Variants in BNC2 observed in about 807,000 individuals in gnomAD.
BNC2 encodes the protein zinc finger protein basonuclin-2.
A neutral mutation model predicts 76.3 loss-of-function variants in BNC2; 20 were observed. That is an observed-to-expected ratio of 0.26 (90% CI 0.18 to 0.38). BNC2 has a LOEUF of 0.38. BNC2 is among the 10% of genes least tolerant of loss of function. BNC2 has a pLI of 1.00. For missense variants in BNC2, 1,382 were observed against 1,399.8 expected (o/e 0.99, Z 0.20); for synonymous variants, 582 against 514.8 (o/e 1.13, Z -1.77).
chr9:16,688,309 A>AC (rs1823037765), intron 3 of BNC2, among the ~76,000 whole-genome samples: 1 of 152,228 alleles, frequency 6.6e-6, no homozygotes, highest in African/African-American at 2.4e-5. Context: ...GTAATTTAGC[A>AC]CATCTCATTC....
At chr9:16,566,250 G>A (rs562931059) in intron 4 of BNC2, among the ~76,000 whole-genome samples, 6 of 152,150 alleles carry the variant, frequency 3.9e-5, no homozygotes, top group Non-Finnish European at 7.3e-5. Context: ...ACTAAAGAGT[G>A]TTGAGTAATC....
rs183136210 is a variant in BNC2 at position 16,469,027 on chromosome 9, A to G, written c.670-31503T>C. Among the ~76,000 whole-genome samples the G allele has an allele frequency of 4.5e-3, 691 of 152,282 alleles. 2 individuals carry two copies. The highest frequency in any genetic ancestry group is 0.017 in the Middle Eastern group (5 of 294). On this transcript the variant is annotated intron_variant, in intron 5 of 6. Coordinates refer to ENST00000380672, the MANE Select transcript of BNC2 (RefSeq NM_017637.6). ...GTTAAAATCTTGGATTTTAAAAATT[A>G]ATTATGAGCTTTTCAGCTTATGTGC...
chr9:16,750,349 T>C (rs1432662226), intron 1 of BNC2, among the ~76,000 whole-genome samples: 2 of 152,236 alleles, frequency 1.3e-5, no homozygotes, highest in Non-Finnish European at 2.9e-5. Context: ...AATTATGCTC[T>C]ATCTTCAATT....
At chr9:16,749,864 C>T (rs1193546640) in intron 1 of BNC2, among the ~76,000 whole-genome samples, 1 of 152,076 alleles carries the variant, frequency 6.6e-6, no homozygotes, top group Admixed American at 6.6e-5. Context: ...AGTTAAGTAA[C>T]AGAAGTTATG....
At chr9:16,856,985 CA>C (rs1210440549) in intron 1 of BNC2, among the ~76,000 whole-genome samples, 3 of 151,950 alleles carry the variant, frequency 2.0e-5, no homozygotes, top group Non-Finnish European at 4.4e-5. Context: ...CATAAGATGC[CA>C]AATAATAGCA....
intron 3 of BNC2, among the ~76,000 whole-genome samples, chr9:16,714,338 C>A (rs1354348685): frequency 6.6e-6 from 1 of 152,210 alleles, no homozygotes; most frequent in Non-Finnish European, 1.5e-5. Flanking sequence ...TTATTCGCTA[C>A]CTCTTTTACT....
intron 1 of BNC2, among the ~76,000 whole-genome samples, chr9:16,793,213 C>G (rs1817559167): frequency 6.6e-6 from 1 of 152,142 alleles, no homozygotes. Context: ...TTTTTTTAGA[C>G]TATTTCTCAA....
At chr9:16,838,334 C>T (rs950767407) in intron 1 of BNC2, among the ~76,000 whole-genome samples, 1 of 152,180 alleles carries the variant, frequency 6.6e-6, no homozygotes, top group Non-Finnish European at 1.5e-5. Context: ...GCGGGCGGAT[C>T]ACCTGAGGTC....
chr9:16,862,914 GATT>G lies in BNC2; in HGVS notation c.3+7729_3+7731del, dbSNP rs1464107303. Among the ~76,000 whole-genome samples the G allele has an allele frequency of 8.4e-4, 57 of 68,194 alleles. 1 individual carries two copies. In the Admixed American group the frequency reaches 0.013, roughly 15 times the overall value. The allele number at this position is 68,194 out of a possible 152,430, so 44.7% of individuals were successfully genotyped here. A position where few individuals can be genotyped will look rare whatever the true frequency, so the allele number is the denominator to read the frequency against. On this transcript the variant is annotated intron_variant, in intron 1 of 6. Transcript: ENST00000380672. ...ATCTATATATAGCTATATATAGATA[GATT>G]TTTTTTTTTTTTTTTGAGACAAAGT...
At position 16,690,649 on chromosome 9, in the gene BNC2, A is replaced by G. The variant is rs370268777; in HGVS notation, c.330+37148T>C. ...GCAGAGTTGTATCAATAGGAACATGATAAGGATGGGAGATATTTTATAGGA... is the reference window on the plus strand; with the variant it reads ...GCAGAGTTGTATCAATAGGAACATGGTAAGGATGGGAGATATTTTATAGGA... On this transcript the variant is annotated intron_variant, in intron 3 of 6. Transcript: ENST00000380672. 1.4e-4 allele frequency among the ~76,000 whole-genome samples: 21 copies of G among 152,308 alleles called. No individual in the cohort carries two copies. The East Asian group carries it at 3.9e-3, about 28-fold the overall frequency.
At chr9:16,450,921 T>C (rs375296407) in intron 5 of BNC2, among the ~76,000 whole-genome samples, 1 of 152,328 alleles carries the variant, frequency 6.6e-6, no homozygotes. Context: ...TTTTAGTCTT[T>C]GCAGTTAAGG....
intron 5 of BNC2, among the ~76,000 whole-genome samples, chr9:16,506,342 G>T (rs1432105711): frequency 6.6e-6 from 1 of 152,016 alleles, no homozygotes; most frequent in African/African-American, 2.4e-5. Context: ...GAAAGTCCTG[G>T]ATATAACTAG....
At chr9:16,750,251 A>C (rs1413744168) in intron 1 of BNC2, among the ~76,000 whole-genome samples, 1 of 152,240 alleles carries the variant, frequency 6.6e-6, no homozygotes, top group African/African-American at 2.4e-5. Context: ...ATAATTTGAT[A>C]CTTATATTTG....
At chr9:16,815,717 G>C (rs370054512) in intron 1 of BNC2, among the ~76,000 whole-genome samples, 15 of 152,164 alleles carry the variant, frequency 9.9e-5, no homozygotes, top group East Asian at 3.9e-4. Flanking sequence ...CCCACATCAA[G>C]ATTTGTACTA....
chr9:16,547,730 C>A (rs1259192621), intron 5 of BNC2, among the ~76,000 whole-genome samples: 1 of 152,144 alleles, frequency 6.6e-6, no homozygotes, highest in Non-Finnish European at 1.5e-5. Context: ...AGAAACCTTA[C>A]ATGCAAATAG....
intron 5 of BNC2, among the ~76,000 whole-genome samples, chr9:16,440,310 T>A (rs1015004444): frequency 6.6e-6 from 1 of 152,164 alleles, no homozygotes; most frequent in Non-Finnish European, 1.5e-5. Context: ...ATTCCCCAGG[T>A]AAGCCCATTG....
chr9:16,449,838 G>T (rs1821302772), intron 5 of BNC2, among the ~76,000 whole-genome samples: 1 of 131,050 alleles, frequency 7.6e-6, no homozygotes, highest in African/African-American at 3.8e-5. Flanking sequence ...GTTAAAGGTG[G>T]GGCGGGGGGG....
intron 3 of BNC2, among the ~76,000 whole-genome samples, chr9:16,594,180 G>C (rs1587212550): frequency 2.0e-5 from 3 of 152,104 alleles, no homozygotes; most frequent in Admixed American, 2.0e-4. Context: ...AGCAAGACAA[G>C]ATGAAGCTTA....
intron 3 of BNC2, among the ~76,000 whole-genome samples, chr9:16,591,775 A>G (rs900397722): frequency 6.6e-6 from 1 of 152,236 alleles, no homozygotes; most frequent in Non-Finnish European, 1.5e-5. Flanking sequence ...ATGGAAAATT[A>G]TACCTAAAAG....
Sources: gnomAD v4.1 joint callset for allele counts (sites outside exome capture counted in the v4.1 genomes callset) on GRCh38, gnomAD v4.1.1 for gene constraint, MANE v1.5 for transcripts, NCBI Gene and HGNC (gene_info 2026-07-23, HGNC 2026-07-21) for gene names.